The following PAPPA2 variants were observed in gnomAD, a reference collection of about 807,000 sequenced individuals.
The protein encoded by PAPPA2 is pappalysin-2.
Under a neutral mutation model 176.4 loss-of-function variants are expected in PAPPA2, and 86 were observed. That is an observed-to-expected ratio of 0.49 (90% CI 0.41 to 0.58). PAPPA2 has a LOEUF of 0.58. Ranked by LOEUF, PAPPA2 falls within the 20% of genes least tolerant of loss-of-function variation. PAPPA2 has a pLI of 0.00. For missense variants in PAPPA2, 2,073 were observed against 2,256.9 expected, an observed-to-expected ratio of 0.92 and a Z score of 1.65; for synonymous variants, 809 against 852.2, an observed-to-expected ratio of 0.95 and a Z score of 0.88.
chr1:176,541,737 G>A (rs916512277), intron 1 of PAPPA2, among the ~76,000 whole-genome samples: 10 of 152,264 alleles, frequency 6.6e-5, no homozygotes, highest in Middle Eastern at 6.8e-3. Context: ...TTCCCAAGAA[G>A]GCAGCTACCA....
At chr1:176,519,029 C>T (rs576662022) in intron 1 of PAPPA2, among the ~76,000 whole-genome samples, 2 of 152,228 alleles carry the variant, frequency 1.3e-5, no homozygotes, top group African/African-American at 2.4e-5. Context: ...ATAAGACATA[C>T]TAATATAATT....
At chr1:176,613,510 AAGCAG>A (rs1332557030) in intron 3 of PAPPA2, among the ~76,000 whole-genome samples, 7 of 152,210 alleles carry the variant, frequency 4.6e-5, no homozygotes, top group Non-Finnish European at 1.5e-5. Context: ...ATTAGGCAAG[AAGCAG>A]AGGACGCTAT....
chr1:176,644,118 T>C (rs1391932996), intron 3 of PAPPA2, among the ~76,000 whole-genome samples: 1 of 151,864 alleles, frequency 6.6e-6, no homozygotes, highest in Non-Finnish European at 1.5e-5. Flanking sequence ...GCAAAAATTA[T>C]CCTCTCAAAA....
chr1:176,782,704 C>T (rs1030765435), intron 17 of PAPPA2, among the ~76,000 whole-genome samples: 10 of 152,120 alleles, frequency 6.6e-5, no homozygotes, highest in Non-Finnish European at 1.2e-4. Flanking sequence ...ACACACGGGA[C>T]CTCGTAGGCT....
intron 12 of PAPPA2, among the ~76,000 whole-genome samples, chr1:176,729,902 A>T (rs1184804959): frequency 6.6e-6 from 1 of 151,972 alleles, no homozygotes; most frequent in Non-Finnish European, 1.5e-5. Flanking sequence ...ATTTGTATTA[A>T]TTGATATGAA....
chr1:176,554,189 C>T (rs1651134188), intron 1 of PAPPA2, among the ~76,000 whole-genome samples: 1 of 152,092 alleles, frequency 6.6e-6, no homozygotes, highest in Non-Finnish European at 1.5e-5. Flanking sequence ...CAAGTCAGTT[C>T]TTAGCTGGGG....
chr1:176,478,320 T>G (rs1363486631), intron 1 of PAPPA2, among the ~76,000 whole-genome samples: 1 of 152,254 alleles, frequency 6.6e-6, no homozygotes, highest in African/African-American at 2.4e-5. Flanking sequence ...TAAAGGGTAA[T>G]GGCTAAGATC....
intron 1 of PAPPA2, among the ~76,000 whole-genome samples, chr1:176,554,846 C>T (rs1322467536): frequency 4.0e-5 from 6 of 151,800 alleles, no homozygotes; most frequent in African/African-American, 1.5e-4. Context: ...CTTTTAAATC[C>T]CCAATGATTG....
chr1:176,503,790 C>T (rs1002582177), intron 1 of PAPPA2, among the ~76,000 whole-genome samples: 2 of 152,130 alleles, frequency 1.3e-5, no homozygotes, highest in African/African-American at 4.8e-5. Context: ...GCTCAGAAGG[C>T]AGATGTTGCA....
chr1:176,661,288 T>C lies in PAPPA2; in HGVS notation c.1992-9682T>C, dbSNP rs115888390. Among the ~76,000 whole-genome samples, 301 of 152,094 alleles carry C rather than the reference T, an allele frequency of 2.0e-3. 1 individual carries two copies. The highest frequency in any genetic ancestry group is 3.2e-3 in the Non-Finnish European group (215 of 67,982). Reference sequence around the variant, plus strand: ...CTATTTTAACCAAAAGGGGATTAAATACAGGAATTGAGTTGCCTCCAAAAT... The same window carrying C: ...CTATTTTAACCAAAAGGGGATTAAACACAGGAATTGAGTTGCCTCCAAAAT... On this transcript the variant is annotated intron_variant, in intron 3 of 22. Transcript: ENST00000367662.
intron 1 of PAPPA2, among the ~76,000 whole-genome samples, chr1:176,480,844 C>A (rs1197902118): frequency 6.6e-6 from 1 of 151,806 alleles, no homozygotes; most frequent in Non-Finnish European, 1.5e-5. Context: ...ATAGACCAGA[C>A]CAGACGAAAA....
chr1:176,636,745 T>C (rs1389843856), intron 3 of PAPPA2, among the ~76,000 whole-genome samples: 1 of 152,122 alleles, frequency 6.6e-6, no homozygotes, highest in Non-Finnish European at 1.5e-5. Context: ...ATTGTACATC[T>C]CTGGTCTAAT....
chr1:176,769,809 G>A (rs199827690), intron 16 of PAPPA2, 25 bp downstream of exon 16: 1 of 1,565,346 alleles, frequency 6.4e-7, no homozygotes, highest in Non-Finnish European at 8.6e-7. Flanking sequence ...ACCAGGAACT[G>A]TATGCAAGTT....
intron 9 of PAPPA2, among the ~76,000 whole-genome samples, 191 bp downstream of exon 9, chr1:176,702,926 T>C (rs1021626374): frequency 1.3e-5 from 2 of 152,068 alleles, no homozygotes; most frequent in Non-Finnish European, 2.9e-5. Flanking sequence ...ATCTGGGACT[T>C]GGTTGTGTCA....
intron 7 of PAPPA2, among the ~76,000 whole-genome samples, chr1:176,698,083 A>T (rs1660469126): frequency 6.6e-6 from 1 of 151,766 alleles, no homozygotes; most frequent in South Asian, 2.1e-4. Flanking sequence ...CTACCTCCCT[A>T]CTCACACATA....
At chr1:176,621,618 A>G (rs149675637) in intron 3 of PAPPA2, among the ~76,000 whole-genome samples, 6 of 152,352 alleles carry the variant, frequency 3.9e-5, no homozygotes, top group Non-Finnish European at 5.9e-5. Flanking sequence ...CCAATTTCTT[A>G]GAAGTAAAGA....
In PAPPA2 at chr1:176,556,076, G is replaced by C. The variant is rs1305551001; in HGVS notation, c.-247G>C. On this transcript the variant is annotated 5_prime_UTR_variant, in exon 2 of 23. Transcript: ENST00000367662. ...GACTAAAGTACAGCAAGAGGAGAGA[G>C]GTCAAGCGAGAAGCGTGCGGGAAGC... 1 of 506,688 alleles carries C rather than the reference G, an allele frequency of 2.0e-6. No homozygotes were observed. Among genetic ancestry groups the C allele is most frequent in the Non-Finnish European group, 3.5e-6 (1 of 287,820 alleles). 31.4% of individuals were successfully genotyped at this position (506,688 alleles called of 1,614,324 possible). A position where few individuals can be genotyped will look rare whatever the true frequency, so the allele number is the denominator to read the frequency against.
At chr1:176,527,136 G>A (rs1299586536) in intron 1 of PAPPA2, among the ~76,000 whole-genome samples, 1 of 152,136 alleles carries the variant, frequency 6.6e-6, no homozygotes, top group Non-Finnish European at 1.5e-5. Context: ...TAAACCTAAA[G>A]AGTCTTTAGA....
intron 1 of PAPPA2, among the ~76,000 whole-genome samples, chr1:176,535,059 A>T (rs1221480636): frequency 6.6e-6 from 1 of 152,190 alleles, no homozygotes; most frequent in Non-Finnish European, 1.5e-5. Context: ...GCAATACAAA[A>T]TAGAGAGTGC....
Sources: allele counts gnomAD v4.1 joint callset (sites outside exome capture counted in the v4.1 genomes callset), GRCh38; gene constraint gnomAD v4.1.1; transcripts MANE v1.5; gene names NCBI Gene and HGNC (gene_info 2026-07-23, HGNC 2026-07-21).